PAX3: variants seen among roughly 807,000 people sequenced by gnomAD.
PAX3 encodes paired box protein Pax-3.
Under a neutral mutation model 51.6 loss-of-function variants are expected in PAX3, and 14 were observed. The observed-to-expected ratio is 0.27, with a 90% CI of 0.18 to 0.42. The LOEUF (loss-of-function observed/expected upper bound fraction) is 0.42. PAX3 is among the 10% of genes least tolerant of loss of function. The pLI, the probability that PAX3 is intolerant of heterozygous loss-of-function variation, is 1.00. For synonymous variants in PAX3, 280 were observed against 253.4 expected (o/e 1.11, Z -1.00); for missense variants, 540 against 642.8 (o/e 0.84, Z 1.73).
chr2:222,288,982 G>T (rs894666103), intron 4 of PAX3, among the ~76,000 whole-genome samples: 7 of 152,232 alleles, frequency 4.6e-5, no homozygotes, highest in African/African-American at 1.7e-4. Flanking sequence ...TCAACAAACA[G>T]CTACTTAATC....
At chr2:222,212,622 A>ACAC (rs370867327) in intron 7 of PAX3, among the ~76,000 whole-genome samples, 2 of 147,932 alleles carry the variant, frequency 1.4e-5, no homozygotes, top group African/African-American at 5.0e-5. Context: ...TGGAAAAACA[A>ACAC]ACACACACAC....
intron 7 of PAX3, among the ~76,000 whole-genome samples, chr2:222,210,788 G>A (rs371012597): frequency 3.3e-5 from 5 of 152,042 alleles, no homozygotes; most frequent in Non-Finnish European, 2.9e-5. Flanking sequence ...CCAACATACC[G>A]CCTTTCCTTT....
chr2:222,254,365 C>T (rs371024174), intron 4 of PAX3, among the ~76,000 whole-genome samples: 26 of 151,600 alleles, frequency 1.7e-4, no homozygotes, highest in South Asian at 1.3e-3. Context: ...GAAATATGCT[C>T]GTCTGTTCTG....
At chr2:222,257,465 T>C (rs1693688545) in intron 4 of PAX3, among the ~76,000 whole-genome samples, 1 of 152,210 alleles carries the variant, frequency 6.6e-6, no homozygotes, top group Non-Finnish European at 1.5e-5. Context: ...GCTCAAAAAA[T>C]AATTATTTGC....
chr2:222,251,011 G>C (rs1008082805), intron 4 of PAX3, among the ~76,000 whole-genome samples: 2 of 152,172 alleles, frequency 1.3e-5, no homozygotes, highest in Non-Finnish European at 2.9e-5. Flanking sequence ...CACTTCCACT[G>C]TCCTCTAGAG....
intron 4 of PAX3, among the ~76,000 whole-genome samples, chr2:222,292,899 A>G (rs1695096187): frequency 6.6e-6 from 1 of 152,178 alleles, no homozygotes; most frequent in African/African-American, 2.4e-5. Flanking sequence ...TTTTCCCTCA[A>G]ATCAGCCATT....
chr2:222,246,625 A>C (rs1308527472), intron 4 of PAX3, among the ~76,000 whole-genome samples: 2 of 152,124 alleles, frequency 1.3e-5, no homozygotes, highest in Non-Finnish European at 2.9e-5. Flanking sequence ...AGATCAATAG[A>C]TAGATATAGA....
intron 7 of PAX3, among the ~76,000 whole-genome samples, chr2:222,205,182 A>G (rs1007769731): frequency 6.6e-6 from 1 of 152,172 alleles, no homozygotes; most frequent in Non-Finnish European, 1.5e-5. Flanking sequence ...ACCTTGAAGT[A>G]TATCTATTGA....
At position 222,294,273 on chromosome 2, in the gene PAX3, A is replaced by G; in HGVS notation, c.480T>C (p.Ser160=). 1 of 1,614,096 alleles carries G rather than the reference A, an allele frequency of 6.2e-7. No homozygotes were observed. Among genetic ancestry groups the G allele is most frequent in the Non-Finnish European group, 8.5e-7 (1 of 1,180,014 alleles). Residue 160 remains serine (S), a synonymous_variant, in exon 4 of 9, where the codon AGT becomes AGC. Coordinates refer to ENST00000392070, the MANE Select transcript of PAX3 (RefSeq NM_181458.4). The part of the protein sequence containing the change: ...SVSSISRILR[S]KFGKGEEEEA... ...CCTCCTCTTCACCTTTCCCGAATTTACTTCTCAGGATGCGGCTGATGGAAC... is the reference window on the plus strand; with the variant it reads ...CCTCCTCTTCACCTTTCCCGAATTTGCTTCTCAGGATGCGGCTGATGGAAC...
chr2:222,213,776 G>T (rs577020072), intron 7 of PAX3, among the ~76,000 whole-genome samples: 3 of 152,246 alleles, frequency 2.0e-5, no homozygotes, highest in African/African-American at 7.2e-5. Flanking sequence ...CAATGATAAA[G>T]GTAGGTCAAG....
chr2:222,263,463 T>G (rs1007939478), intron 4 of PAX3: 4 of 152,078 alleles, frequency 2.6e-5, no homozygotes, highest in Admixed American at 6.6e-5. Context: ...AATAAAAAAA[T>G]ATTGACAATA....
intron 4 of PAX3, among the ~76,000 whole-genome samples, chr2:222,284,610 T>C (rs905689733): frequency 1.1e-4 from 5 of 44,882 alleles, no homozygotes; most frequent in Admixed American, 7.2e-4. Flanking sequence ...TGTGTCTGTG[T>C]GCGTGTGTGT....
At position 222,213,237 on chromosome 2, in the gene PAX3, G is replaced by A. The variant is rs145486563; in HGVS notation, c.1173+6903C>T. ...TTCACCAAATTAAACTAACTCAAGAGGCTATGACTGGAGCTGACATAAACC... is the reference window on the plus strand; with the variant it reads ...TTCACCAAATTAAACTAACTCAAGAAGCTATGACTGGAGCTGACATAAACC... On this transcript the variant is annotated intron_variant, in intron 7 of 8. Coordinates refer to ENST00000392070, the MANE Select transcript of PAX3 (RefSeq NM_181458.4). 1.9e-3 allele frequency among the ~76,000 whole-genome samples: 283 copies of A among 152,244 alleles called. 2 individuals carry two copies. The highest frequency in any genetic ancestry group is 6.2e-3 in the African/African-American group (256 of 41,568).
At chr2:222,292,077 T>C (rs1452905199) in intron 4 of PAX3, among the ~76,000 whole-genome samples, 1 of 151,370 alleles carries the variant, frequency 6.6e-6, no homozygotes, top group South Asian at 2.1e-4. Context: ...AATGTAGCAA[T>C]TGCCCTTGAA....
chr2:222,286,303 C>A (rs750929573), intron 4 of PAX3, among the ~76,000 whole-genome samples: 4 of 152,168 alleles, frequency 2.6e-5, no homozygotes, highest in Admixed American at 6.5e-5. Context: ...GAATTGGCTT[C>A]CAGAATTCAG....
chr2:222,218,167 T>C (rs1692038665), intron 7 of PAX3, among the ~76,000 whole-genome samples: 1 of 152,130 alleles, frequency 6.6e-6, no homozygotes, highest in Non-Finnish European at 1.5e-5. Context: ...AGTAAAGAAA[T>C]ACAGGAAAAA....
intron 7 of PAX3, chr2:222,214,498 G>A (rs527599714): frequency 1.0e-3 from 152 of 152,212 alleles, no homozygotes; most frequent in African/African-American, 3.6e-3. Flanking sequence ...AGTCGATCCT[G>A]GCATTTTATG....
At chr2:222,251,347 A>G (rs1693424003) in intron 4 of PAX3, among the ~76,000 whole-genome samples, 1 of 151,950 alleles carries the variant, frequency 6.6e-6, no homozygotes, top group Admixed American at 6.6e-5. Flanking sequence ...AAGTGAGAAC[A>G]TGCGGTATTT....
intron 4 of PAX3, among the ~76,000 whole-genome samples, chr2:222,287,704 T>G (rs1694880637): frequency 6.6e-6 from 1 of 152,256 alleles, no homozygotes; most frequent in Non-Finnish European, 1.5e-5. Flanking sequence ...TGTTCTACAC[T>G]GCAATGTTTG....
Sources: gnomAD v4.1 joint callset for allele counts (sites outside exome capture counted in the v4.1 genomes callset) on GRCh38, gnomAD v4.1.1 for gene constraint, MANE v1.5 for transcripts, NCBI Gene and HGNC (gene_info 2026-07-23, HGNC 2026-07-21) for gene names.